The following CA13 variants were observed in gnomAD, a reference collection of about 807,000 sequenced individuals.
CA13 encodes CA-XIII.
A neutral mutation model predicts 31.5 loss-of-function variants in CA13; 21 were observed. The observed-to-expected ratio is 0.67, with a 90% CI of 0.47 to 0.96. The LOEUF (loss-of-function observed/expected upper bound fraction) is 0.96, where lower values mean the gene tolerates loss of function less well. Ranked by LOEUF, CA13 falls within the 40% of genes least tolerant of loss-of-function variation. The pLI, the probability that CA13 is intolerant of heterozygous loss-of-function variation, is 0.00. For missense variants in CA13, 315 were observed against 318.9 expected (o/e 0.99, Z 0.09); for synonymous variants, 117 against 111.4 (o/e 1.05, Z -0.32).
intron 2 of CA13, among the ~76,000 whole-genome samples, chr8:85,252,648 G>A (rs1421556695): frequency 6.6e-6 from 1 of 152,198 alleles, no homozygotes. Context: ...AATGTAAGAT[G>A]AGATAAAATA....
intron 2 of CA13, among the ~76,000 whole-genome samples, chr8:85,258,678 G>A (rs1807334354): frequency 7.6e-6 from 1 of 131,198 alleles, no homozygotes; most frequent in Admixed American, 9.1e-5. Flanking sequence ...GCTCATGCCT[G>A]TAATCCTAGC....
intron 2 of CA13, among the ~76,000 whole-genome samples, chr8:85,255,436 G>A (rs1231637535): frequency 6.6e-6 from 1 of 151,926 alleles, no homozygotes; most frequent in Non-Finnish European, 1.5e-5. Context: ...CTAATTTTTT[G>A]TATTTTTAGT....
At chr8:85,274,142 C>T (rs1312253153) in intron 6 of CA13, among the ~76,000 whole-genome samples, 1 of 152,092 alleles carries the variant, frequency 6.6e-6, no homozygotes, top group Non-Finnish European at 1.5e-5. Flanking sequence ...GCCCAGCTTT[C>T]AGGTCCCGGG....
At chr8:85,273,318 T>C (rs934479334) in intron 6 of CA13, among the ~76,000 whole-genome samples, 6 of 152,250 alleles carry the variant, frequency 3.9e-5, no homozygotes, top group Admixed American at 1.3e-4. Context: ...ATTTTTTGTA[T>C]GCTTATTGGC....
At chr8:85,258,757 T>TCCAAA (rs1564001439) in intron 2 of CA13, among the ~76,000 whole-genome samples, 1 of 6,264 alleles carries the variant, frequency 1.6e-4, no homozygotes, top group Non-Finnish European at 3.1e-4. Context: ...GCCCTGTCTC[T>TCCAAA]ACAAAAAAAA....
chr8:85,277,010 C>T (rs1256076482), intron 6 of CA13, among the ~76,000 whole-genome samples: 1 of 152,128 alleles, frequency 6.6e-6, no homozygotes, highest in Non-Finnish European at 1.5e-5. Context: ...GTGTCTAGCT[C>T]AGGGATTGTA....
intron 6 of CA13, among the ~76,000 whole-genome samples, chr8:85,271,227 G>C (rs1046260998): frequency 4.6e-5 from 7 of 152,128 alleles, no homozygotes; most frequent in African/African-American, 1.7e-4. Context: ...TATTCTCAAG[G>C]TTGTTAAAAC....
intron 1 of CA13, among the ~76,000 whole-genome samples, chr8:85,246,705 T>C (rs1347076166): frequency 6.6e-6 from 1 of 152,232 alleles, no homozygotes; most frequent in South Asian, 2.1e-4. Flanking sequence ...AATAATTATT[T>C]GAAATAATCG....
At chr8:85,257,677 T>C (rs1807319226) in intron 2 of CA13, among the ~76,000 whole-genome samples, 2 of 147,822 alleles carry the variant, frequency 1.4e-5, no homozygotes, top group African/African-American at 2.5e-5. Flanking sequence ...CCCACTGTAC[T>C]CCAGCCTGGG....
At chr8:85,254,277 CA>C (rs34034023) in intron 2 of CA13, among the ~76,000 whole-genome samples, 7,991 of 138,438 alleles carry the variant, frequency 0.058, 246 homozygotes, top group Non-Finnish European at 0.066. Context: ...GATTCCATCT[CA>C]AAAAAAAAAA....
intron 6 of CA13, among the ~76,000 whole-genome samples, chr8:85,275,344 G>C (rs10098816): frequency 0.013 from 1,997 of 152,182 alleles, 27 homozygotes; most frequent in South Asian, 0.064. Context: ...GCAGGACTGT[G>C]GGCATTCCTG....
chr8:85,269,431 T>A (rs904920605), intron 6 of CA13, among the ~76,000 whole-genome samples: 1 of 152,088 alleles, frequency 6.6e-6, no homozygotes, highest in Non-Finnish European at 1.5e-5. Context: ...AGAGCAAGAC[T>A]TTGTCTCAAA....
At chr8:85,248,674 GTAGT>G in intron 1 of CA13, among the ~76,000 whole-genome samples, 1 of 152,064 alleles carries the variant, frequency 6.6e-6, no homozygotes. Context: ...ACTGACTATG[GTAGT>G]TAGTAGATAA....
chr8:85,273,564 C>T (rs1807557361), intron 6 of CA13, among the ~76,000 whole-genome samples: 2 of 152,080 alleles, frequency 1.3e-5, no homozygotes. Context: ...CTTGCTCCAG[C>T]AGCGTGCGTC....
At chr8:85,266,155 C>T (rs563208888) in intron 3 of CA13, among the ~76,000 whole-genome samples, 10 of 152,242 alleles carry the variant, frequency 6.6e-5, no homozygotes, top group Admixed American at 2.0e-4. Flanking sequence ...TTTGTTAGGG[C>T]TGAAGGGGCT....
intron 6 of CA13, among the ~76,000 whole-genome samples, chr8:85,276,238 G>A (rs995777475): frequency 6.6e-6 from 1 of 152,146 alleles, no homozygotes; most frequent in African/African-American, 2.4e-5. Context: ...TTTCTCGCCC[G>A]GCCTTAGCTG....
chr8:85,280,923 A>G (rs946185219), intron 6 of CA13, among the ~76,000 whole-genome samples: 2 of 152,212 alleles, frequency 1.3e-5, no homozygotes, highest in African/African-American at 4.8e-5. Context: ...TAGATTGAAA[A>G]ACATTGAAAA....
intron 4 of CA13, among the ~76,000 whole-genome samples, 195 bp from the exon 5 acceptor site, chr8:85,267,706 AT>A (rs1192603508): frequency 2.0e-5 from 3 of 152,230 alleles, no homozygotes; most frequent in Admixed American, 2.0e-4. Flanking sequence ...ACCCTGTAAT[AT>A]TATCTTGTTG....
chr8:85,272,690 A>T (rs1165742663), intron 6 of CA13, among the ~76,000 whole-genome samples: 1 of 152,218 alleles, frequency 6.6e-6, no homozygotes. Flanking sequence ...AGCAATCCAT[A>T]TATGGATATT....
Sources: allele counts gnomAD v4.1 joint callset (sites outside exome capture counted in the v4.1 genomes callset), GRCh38; gene constraint gnomAD v4.1.1; transcripts MANE v1.5; gene names NCBI Gene and HGNC (gene_info 2026-07-23, HGNC 2026-07-21).